The following ZNF385B variants were observed in gnomAD, a reference collection of about 807,000 sequenced individuals.
The protein encoded by ZNF385B is zinc finger protein 385B.
A neutral mutation model predicts 39.2 loss-of-function variants in ZNF385B; 23 were observed. The observed-to-expected ratio is 0.59, with a 90% CI of 0.42 to 0.83. ZNF385B has a LOEUF of 0.83. Among genes scored for constraint, ZNF385B ranks in the 40% least tolerant of loss-of-function variants. The pLI is 0.00. For synonymous variants in ZNF385B, 205 were observed against 222.6 expected, an observed-to-expected ratio of 0.92 and a Z score of 0.70; for missense variants, 552 against 598.9, an observed-to-expected ratio of 0.92 and a Z score of 0.82.
chr2:179,710,805 T>G (rs1699944708), intron 3 of ZNF385B, among the ~76,000 whole-genome samples: 1 of 152,204 alleles, frequency 6.6e-6, no homozygotes, highest in African/African-American at 2.4e-5. Flanking sequence ...ACAAACAGAC[T>G]GTTGTGACTG....
At position 179,446,603 on chromosome 2, in the gene ZNF385B, TTTC is replaced by T; in HGVS notation, c.880_882del (p.Glu294del). 1 of 1,614,148 alleles carries T rather than the reference TTTC, an allele frequency of 6.2e-7. No individual in the cohort carries two copies. Among genetic ancestry groups the T allele is most frequent in the Non-Finnish European group, 8.5e-7 (1 of 1,180,012 alleles). On this transcript the variant is annotated inframe_deletion, in exon 7 of 10. Transcript: ENST00000410066. ...GAACAATAAAGTAATTTTTTGGCTTTTTCTTCTTCTGATTCAACAACAGTACCG... is the reference window on the plus strand; with the variant it reads ...GAACAATAAAGTAATTTTTTGGCTTTTTCTTCTGATTCAACAACAGTACCG...
rs765003835 is a variant in ZNF385B, at chr2:179,444,862, T to C, written c.1242+14A>G. On this transcript the variant is annotated intron_variant, in intron 9 of 9. Coordinates refer to ENST00000410066, the MANE Select transcript of ZNF385B (RefSeq NM_152520.6). The stretch of plus-strand genomic sequence containing the variant: ...CTGCCCCACAAAACAGGTGAGCAGG[T>C]GAGGTAAACTTACTGCTAGAATACT... The C allele has an allele frequency of 9.3e-6, 15 of 1,607,640 alleles. No individual in the cohort carries two copies. Among genetic ancestry groups the C allele is most frequent in the Admixed American group, 1.7e-5 (1 of 59,974 alleles).
intron 1 of ZNF385B, among the ~76,000 whole-genome samples, chr2:179,852,041 T>C (rs563106222): frequency 7.2e-5 from 11 of 152,326 alleles, no homozygotes; most frequent in Admixed American, 5.9e-4. Context: ...CTATGCACAG[T>C]GAGGCAAGAA....
At chr2:179,628,910 A>G (rs1334876205) in intron 3 of ZNF385B, among the ~76,000 whole-genome samples, 2 of 152,214 alleles carry the variant, frequency 1.3e-5, no homozygotes. Context: ...TTATACCCTC[A>G]TATCCTTCAA....
intron 3 of ZNF385B, among the ~76,000 whole-genome samples, chr2:179,626,455 C>G (rs2106176392): frequency 6.6e-6 from 1 of 152,252 alleles, no homozygotes; most frequent in Non-Finnish European, 1.5e-5. Flanking sequence ...ATTTATGATT[C>G]ATGCAACTCT....
intron 4 of ZNF385B, among the ~76,000 whole-genome samples, chr2:179,520,271 C>G (rs1424540767): frequency 6.6e-6 from 1 of 151,786 alleles, no homozygotes; most frequent in Non-Finnish European, 1.5e-5. Context: ...ATAGACCTTT[C>G]CCCCTCAAAA....
chr2:179,599,711 C>T (rs1688263976), intron 3 of ZNF385B, among the ~76,000 whole-genome samples: 1 of 152,080 alleles, frequency 6.6e-6, no homozygotes, highest in Non-Finnish European at 1.5e-5. Flanking sequence ...GATACCAGTA[C>T]TAACTAGATC....
chr2:179,641,504 C>T (rs1288574047), intron 3 of ZNF385B, among the ~76,000 whole-genome samples: 1 of 152,054 alleles, frequency 6.6e-6, no homozygotes, highest in Non-Finnish European at 1.5e-5. Flanking sequence ...GTTCAAGGGA[C>T]AAACTGTAGG....
In ZNF385B at chr2:179,680,500, A is replaced by G. The variant is rs530389225; in HGVS notation, c.298+89003T>C. On this transcript the variant is annotated intron_variant, in intron 3 of 9. Transcript: ENST00000410066. ...ATAGGATAGTAGTTATTGGTTTATA[A>G]CAGAGCATACGGGGACCTTCTGATT... is the stretch of plus-strand genomic sequence containing the variant. Among the ~76,000 whole-genome samples, 142 of 152,184 alleles carry G rather than the reference A, an allele frequency of 9.3e-4. 1 individual carries two copies. Among genetic ancestry groups the G allele is most frequent in the African/African-American group, 3.2e-3 (134 of 41,502 alleles).
intron 1 of ZNF385B, among the ~76,000 whole-genome samples, chr2:179,843,333 C>T (rs1408187773): frequency 6.6e-6 from 1 of 152,184 alleles, no homozygotes; most frequent in Non-Finnish European, 1.5e-5. Flanking sequence ...CAGCCAATCA[C>T]CCTTCCACCT....
At chr2:179,489,761 T>C (rs1481467630) in intron 5 of ZNF385B, among the ~76,000 whole-genome samples, 1 of 152,206 alleles carries the variant, frequency 6.6e-6, no homozygotes, top group East Asian at 1.9e-4. Context: ...AGTAAGTTTT[T>C]CTGCTGATAT....
chr2:179,816,569 G>C (rs1367508953), intron 1 of ZNF385B, among the ~76,000 whole-genome samples: 1 of 152,170 alleles, frequency 6.6e-6, no homozygotes, highest in Non-Finnish European at 1.5e-5. Flanking sequence ...AGAGGGCAGA[G>C]AGCAGGAGGA....
At chr2:179,857,010 C>CA (rs1391916875) in intron 1 of ZNF385B, among the ~76,000 whole-genome samples, 1 of 152,204 alleles carries the variant, frequency 6.6e-6, no homozygotes, top group Non-Finnish European at 1.5e-5. Flanking sequence ...TCACCTATTT[C>CA]AAAATTACCT....
At chr2:179,819,601 C>T (rs1436089469) in intron 1 of ZNF385B, among the ~76,000 whole-genome samples, 1 of 152,200 alleles carries the variant, frequency 6.6e-6, no homozygotes, top group African/African-American at 2.4e-5. Flanking sequence ...TTTACTTTTC[C>T]CCTTGGAAAG....
rs770352667 is a variant in ZNF385B, at chr2:179,455,717, G to A, written c.716-8947C>T. On this transcript the variant is annotated intron_variant, in intron 6 of 9. Coordinates refer to ENST00000410066, the MANE Select transcript of ZNF385B (RefSeq NM_152520.6). ...AGCCTGGCCAACATGATGAAATCCC[G>A]TCTCTACCAAAAATACAAAAAAAAA... Among the ~76,000 whole-genome samples the A allele has an allele frequency of 1.6e-4, 24 of 145,936 alleles. 1 individual carries two copies. The highest frequency in any genetic ancestry group is 1.6e-3 in the Admixed American group (24 of 14,784).
intron 6 of ZNF385B, 77 bp downstream of exon 6, chr2:179,483,195 T>G: frequency 6.5e-7 from 1 of 1,530,876 alleles, no homozygotes; most frequent in Non-Finnish European, 9.0e-7. Context: ...ATGCAACAAC[T>G]GAGGGCAGGA....
At chr2:179,616,477 G>T (rs1195647827) in intron 3 of ZNF385B, among the ~76,000 whole-genome samples, 1 of 150,754 alleles carries the variant, frequency 6.6e-6, no homozygotes, top group Non-Finnish European at 1.5e-5. Context: ...GAGACTACAG[G>T]TGTATGTCAC....
intron 7 of ZNF385B, 24 bp downstream of exon 7, chr2:179,446,501 T>C: frequency 6.3e-7 from 1 of 1,596,754 alleles, no homozygotes; most frequent in Non-Finnish European, 8.5e-7. Context: ...AAACATTATT[T>C]AAATGCAAAA....
chr2:179,716,849 G>A (rs1331179186), intron 3 of ZNF385B, among the ~76,000 whole-genome samples: 1 of 152,180 alleles, frequency 6.6e-6, no homozygotes, highest in East Asian at 1.9e-4. Flanking sequence ...CCTGTATGAA[G>A]AGACCACATA....
Sources: gnomAD v4.1 joint callset for allele counts (sites outside exome capture counted in the v4.1 genomes callset) on GRCh38, gnomAD v4.1.1 for gene constraint, MANE v1.5 for transcripts, NCBI Gene and HGNC (gene_info 2026-07-23, HGNC 2026-07-21) for gene names.